PKNOX2: variants seen among roughly 807,000 people sequenced by gnomAD.
The protein encoded by PKNOX2 is PBX/knotted 1 homeobox 2, also known as homeobox protein PKNOX2.
A neutral mutation model predicts 53.1 loss-of-function variants in PKNOX2; 14 were observed. That is an observed-to-expected ratio of 0.26 (90% CI 0.17 to 0.41). PKNOX2 has a LOEUF of 0.41. Among genes scored for constraint, PKNOX2 ranks in the 10% least tolerant of loss-of-function variants. The probability of loss-of-function intolerance (pLI) is 1.00; values close to 1 mark genes in which losing one functional copy is unlikely to be tolerated. For missense variants in PKNOX2, 496 were observed against 602.8 expected, an observed-to-expected ratio of 0.82 and a Z score of 1.85; for synonymous variants, 257 against 242.8, an observed-to-expected ratio of 1.06 and a Z score of -0.54.
intron 2 of PKNOX2, among the ~76,000 whole-genome samples, chr11:125,262,406 C>A (rs1391925743): frequency 6.6e-6 from 1 of 151,950 alleles, no homozygotes; most frequent in African/African-American, 2.4e-5. Flanking sequence ...ACCTCTCTGG[C>A]TGAGGGGGTG....
At chr11:125,269,922 A>G (rs1270907215) in intron 2 of PKNOX2, among the ~76,000 whole-genome samples, 1 of 152,178 alleles carries the variant, frequency 6.6e-6, no homozygotes, top group Non-Finnish European at 1.5e-5. Context: ...CATTAATTTA[A>G]CAAATATTTA....
At chr11:125,347,126 T>C (rs1951023044) in intron 3 of PKNOX2, among the ~76,000 whole-genome samples, 1 of 152,096 alleles carries the variant, frequency 6.6e-6, no homozygotes, top group Non-Finnish European at 1.5e-5. Context: ...GAGTGTCCCC[T>C]CACCCTTGTC....
At chr11:125,402,100 G>A (rs1001026225) in intron 7 of PKNOX2, among the ~76,000 whole-genome samples, 30 of 152,064 alleles carry the variant, frequency 2.0e-4, no homozygotes, top group African/African-American at 3.4e-4. Context: ...TTTCCTGCTC[G>A]GCCTTCGATT....
chr11:125,319,459 T>A (rs1949393624), intron 2 of PKNOX2, among the ~76,000 whole-genome samples: 2 of 152,136 alleles, frequency 1.3e-5, no homozygotes, highest in African/African-American at 4.8e-5. Flanking sequence ...ACCTTCAATT[T>A]GTAAAAAATG....
intron 2 of PKNOX2, among the ~76,000 whole-genome samples, chr11:125,300,888 G>A (rs903879824): frequency 6.6e-6 from 1 of 152,160 alleles, no homozygotes; most frequent in East Asian, 1.9e-4. Context: ...ATATTTTTTA[G>A]ATGACTCAGA....
At chr11:125,325,300 G>A (rs189319128) in intron 2 of PKNOX2, among the ~76,000 whole-genome samples, 26 of 152,306 alleles carry the variant, frequency 1.7e-4, no homozygotes, top group Admixed American at 7.8e-4. Flanking sequence ...GGCTGGAAGT[G>A]CAGGTGAGGA....
chr11:125,170,223 G>C (rs548583320), intron 1 of PKNOX2, among the ~76,000 whole-genome samples: 1 of 152,312 alleles, frequency 6.6e-6, no homozygotes, highest in Middle Eastern at 3.4e-3. Context: ...GTGTGCGCTC[G>C]TAGACTCCTT....
At chr11:125,241,878 C>CAA (rs1943172812) in intron 2 of PKNOX2, among the ~76,000 whole-genome samples, 1 of 151,480 alleles carries the variant, frequency 6.6e-6, no homozygotes, top group Admixed American at 6.6e-5. Context: ...AACAAATGAA[C>CAA]AAAAAAAGAG....
intron 2 of PKNOX2, among the ~76,000 whole-genome samples, chr11:125,298,194 C>A (rs573835880): frequency 1.3e-5 from 2 of 152,296 alleles, no homozygotes; most frequent in South Asian, 2.1e-4. Flanking sequence ...CTGTTGGTTA[C>A]CCCTGGGGCT....
intron 1 of PKNOX2, among the ~76,000 whole-genome samples, chr11:125,176,707 G>A (rs78510879): frequency 0.038 from 5,815 of 152,260 alleles, 160 homozygotes; most frequent in Middle Eastern, 0.044. Flanking sequence ...TCTGGGGAGA[G>A]AGTTGACCAA....
chr11:125,341,974 T>C (rs1168003368), intron 3 of PKNOX2, among the ~76,000 whole-genome samples: 2 of 152,180 alleles, frequency 1.3e-5, no homozygotes, highest in Non-Finnish European at 2.9e-5. Flanking sequence ...TGGGCAGCCT[T>C]TCCTCCTCTA....
chr11:125,286,708 T>A (rs1230259374), intron 2 of PKNOX2, among the ~76,000 whole-genome samples: 1 of 152,234 alleles, frequency 6.6e-6, no homozygotes, highest in Middle Eastern at 3.2e-3. Context: ...TGCAGCCTGT[T>A]CTTCCTCCCT....
intron 4 of PKNOX2, among the ~76,000 whole-genome samples, chr11:125,356,677 A>G (rs955430202): frequency 1.3e-5 from 2 of 152,190 alleles, no homozygotes; most frequent in Non-Finnish European, 2.9e-5. Context: ...AGGAAGCCAG[A>G]CCTGTCTCTC....
intron 10 of PKNOX2, among the ~76,000 whole-genome samples, chr11:125,428,572 G>A (rs975155433): frequency 2.0e-5 from 3 of 152,186 alleles, no homozygotes; most frequent in African/African-American, 7.2e-5. Flanking sequence ...TAGATATTCA[G>A]TAAATAGCAG....
At chr11:125,330,695 CACACAT>C (rs1351139703) in intron 2 of PKNOX2, among the ~76,000 whole-genome samples, 1 of 152,060 alleles carries the variant, frequency 6.6e-6, no homozygotes, top group African/African-American at 2.4e-5. Context: ...CACACACAAA[CACACAT>C]ACACATACAC....
At chr11:125,407,568 T>C (rs116631888) in intron 7 of PKNOX2, among the ~76,000 whole-genome samples, 1 of 152,146 alleles carries the variant, frequency 6.6e-6, no homozygotes, top group African/African-American at 2.4e-5. Context: ...TTCCACTGGT[T>C]TTAAGGTGAA....
At chr11:125,208,272 T>TGG (rs1939389882) in intron 1 of PKNOX2, among the ~76,000 whole-genome samples, 1 of 151,998 alleles carries the variant, frequency 6.6e-6, no homozygotes, top group South Asian at 2.1e-4. Context: ...TGAAATACAC[T>TGG]CATTTACTGG....
intron 6 of PKNOX2, 74 bp from the exon 7 acceptor site, chr11:125,397,800 T>TG: frequency 6.9e-7 from 1 of 1,442,216 alleles, no homozygotes; most frequent in South Asian, 1.3e-5. Flanking sequence ...CCTGGGGTGG[T>TG]GGGGGCTGGG....
At chr11:125,406,709 T>C (rs1955122892) in intron 7 of PKNOX2, among the ~76,000 whole-genome samples, 1 of 151,932 alleles carries the variant, frequency 6.6e-6, no homozygotes, top group South Asian at 2.1e-4. Flanking sequence ...ACTTCCATCC[T>C]CTCTGGACCT....
Sources: allele counts gnomAD v4.1 joint callset (sites outside exome capture counted in the v4.1 genomes callset), GRCh38; gene constraint gnomAD v4.1.1; transcripts MANE v1.5; gene names NCBI Gene and HGNC (gene_info 2026-07-23, HGNC 2026-07-21).